The following TRIM37 variants were observed in gnomAD, a reference collection of about 807,000 sequenced individuals.
TRIM37 encodes the protein E3 ubiquitin-protein ligase TRIM37.
Under a neutral mutation model 129.8 loss-of-function variants are expected in TRIM37, and 80 were observed. That is an observed-to-expected ratio of 0.62 (90% CI 0.51 to 0.74). The LOEUF (loss-of-function observed/expected upper bound fraction) is 0.74, where lower values mean the gene tolerates loss of function less well. TRIM37 is among the 30% of genes least tolerant of loss of function. The pLI is 0.00. For synonymous variants in TRIM37, 389 were observed against 387.1 expected (o/e 1.00, Z -0.06); for missense variants, 1,054 against 1,176.5 (o/e 0.90, Z 1.52).
At chr17:59,050,169 T>C (rs537355770) in intron 14 of TRIM37, among the ~76,000 whole-genome samples, 1 of 152,198 alleles carries the variant, frequency 6.6e-6, no homozygotes, top group Non-Finnish European at 1.5e-5. Context: ...GAGTTCAAGA[T>C]GGGACAACTT....
the TRIM37 span, among the ~76,000 whole-genome samples, chr17:58,973,414 C>CAAA: frequency 1.7e-5 from 2 of 117,794 alleles, no homozygotes; most frequent in African/African-American, 3.2e-5. Flanking sequence ...GAGACTGTCT[C>CAAA]AAAAAAAAAA....
rs143150126 is a variant in TRIM37 at position 59,028,945 on chromosome 17, C to T, written c.1949-222G>A. On this transcript the variant is annotated intron_variant, in intron 18 of 23. Transcript: ENST00000262294. ...ATCTGAGTCACATCATACTCAAGTT[C>T]GAATTACACATTTAATTCTAAAAGT... 4.1e-3 allele frequency among the ~76,000 whole-genome samples: 625 copies of T among 152,240 alleles called. 3 individuals carry two copies. Among genetic ancestry groups the T allele is most frequent in the African/African-American group, 0.014 (569 of 41,534 alleles).
intron 3 of TRIM37, among the ~76,000 whole-genome samples, chr17:59,090,448 G>A (rs1023211863): frequency 6.6e-6 from 1 of 152,002 alleles, no homozygotes; most frequent in Non-Finnish European, 1.5e-5. Flanking sequence ...CAAAATACAT[G>A]CACAAAAAAC....
chr17:58,976,758 G>A, the TRIM37 span, among the ~76,000 whole-genome samples: 1 of 152,174 alleles, frequency 6.6e-6, no homozygotes, highest in African/African-American at 2.4e-5. Context: ...AACTTTGGCA[G>A]CATTTTCTCT....
At chr17:59,003,436 G>A (rs144471678) in intron 22 of TRIM37, among the ~76,000 whole-genome samples, 2,657 of 152,238 alleles carry the variant, frequency 0.017, 37 homozygotes, top group Non-Finnish European at 0.027. Flanking sequence ...CTCTCTGGAA[G>A]GAAGGTTCTA....
At position 59,042,619 on chromosome 17, in the gene TRIM37, T is replaced by C. The variant is rs543351402; in HGVS notation, c.1668-721A>G. 3.4e-3 allele frequency among the ~76,000 whole-genome samples: 515 copies of C among 150,952 alleles called. 4 individuals are homozygous for C. The highest frequency in any genetic ancestry group is 5.7e-3 in the Non-Finnish European group (388 of 67,722). On this transcript the variant is annotated intron_variant, in intron 16 of 23. Transcript: ENST00000262294. ...CTCTCCTAAAAATACAAAAATTAGC[T>C]GGGCGTTGTGGTGGGGACCTGTAAT...
chr17:59,023,122 C>G (rs905088018), intron 19 of TRIM37, among the ~76,000 whole-genome samples: 9 of 152,118 alleles, frequency 5.9e-5, no homozygotes, highest in Admixed American at 2.6e-4. Flanking sequence ...GTCACCTAGG[C>G]TGGAGTGTGG....
chr17:59,036,347 A>C lies in TRIM37; in HGVS notation c.1754-4257T>G, dbSNP rs116238604. ...GTTAAATGAAAGACAATTTATGTTAAAAAAAATTTGTGCTAAAAAGGTTTT... is the reference window on the plus strand; with the variant it reads ...GTTAAATGAAAGACAATTTATGTTACAAAAAATTTGTGCTAAAAAGGTTTT... On this transcript the variant is annotated intron_variant, in intron 17 of 23. Coordinates refer to ENST00000262294, the MANE Select transcript of TRIM37 (RefSeq NM_015294.6). Among the ~76,000 whole-genome samples the C allele has an allele frequency of 8.7e-3, 1,330 of 152,226 alleles. 20 individuals carry two copies. The highest frequency in any genetic ancestry group is 0.03 in the African/African-American group (1,240 of 41,534).
In TRIM37 at chr17:59,015,780, C is replaced by G; in HGVS notation, c.2406G>C (p.Gln802His). 6.2e-7 allele frequency: 1 copy of G among 1,613,386 alleles called. No individual in the cohort carries two copies. Among genetic ancestry groups the G allele is most frequent in the Non-Finnish European group, 8.5e-7 (1 of 1,179,966 alleles). ...GGGGAGAACTGTGCCTGCTCCCAGA[C>G]TGAGAGCTTCCTGGGGAGCCTTCAA... ...TLSEGSPGSSQSGSRHSSPRA... is the reference protein window; with the variant it reads ...TLSEGSPGSSHSGSRHSSPRA... Residue 802 changes from glutamine to histidine, a missense_variant, in exon 21 of 24, where the codon CAG (glutamine) becomes CAC (histidine). By Grantham distance (24) the Gln-to-His change is conservative (BLOSUM62 0). Transcript: ENST00000262294.
At chr17:58,996,734 A>T (rs1598780857), downstream of TRIM37, among the ~76,000 whole-genome samples, 1 of 151,018 alleles carries the variant, frequency 6.6e-6, no homozygotes, top group Non-Finnish European at 1.5e-5. Flanking sequence ...GTGCCACTGC[A>T]TTCTAGCCTG....
intron 4 of TRIM37, among the ~76,000 whole-genome samples, chr17:59,087,458 C>CTTTTTTTTTTTTTTTTTTTTTTTTT (rs56956832): frequency 2.3e-5 from 3 of 130,820 alleles, no homozygotes; most frequent in African/African-American, 2.8e-5. Context: ...AAGCCTCTTT[C>CTTTTTTTTTTTTTTTTTTTTTTTTT]TTTTTTTTTT....
intron 20 of TRIM37, among the ~76,000 whole-genome samples, chr17:59,016,839 C>A (rs981968743): frequency 6.6e-6 from 1 of 151,934 alleles, no homozygotes; most frequent in Non-Finnish European, 1.5e-5. Flanking sequence ...AATACATAGT[C>A]TAATGGCTGT....
intron 8 of TRIM37, chr17:59,073,149 A>C (rs1318451770): frequency 1.3e-5 from 2 of 152,222 alleles, no homozygotes; most frequent in Non-Finnish European, 2.9e-5. Context: ...TCCCTTCAAC[A>C]GAAGTTTATT....
intron 21 of TRIM37, among the ~76,000 whole-genome samples, chr17:59,012,889 A>T (rs181581130): frequency 0.012 from 1,851 of 150,624 alleles, 17 homozygotes; most frequent in Middle Eastern, 0.041. Context: ...AAAAAAAAAA[A>T]TTTTTTTTTC....
At chr17:59,066,021 C>T (rs1305601038) in intron 9 of TRIM37, among the ~76,000 whole-genome samples, 1 of 152,148 alleles carries the variant, frequency 6.6e-6, no homozygotes, top group Non-Finnish European at 1.5e-5. Context: ...ACTCACATTC[C>T]TCATCCCCAT....
At chr17:58,972,100 A>C in the TRIM37 span, 3 of 1,587,998 alleles carry the variant, frequency 1.9e-6, no homozygotes, top group Non-Finnish European at 2.6e-6. Context: ...ATTTCTTTTC[A>C]CTGAGTCTAG....
chr17:59,096,182 C>A (rs2044840009), intron 2 of TRIM37, among the ~76,000 whole-genome samples: 1 of 151,812 alleles, frequency 6.6e-6, no homozygotes, highest in Non-Finnish European at 1.5e-5. Flanking sequence ...AATTATCTAG[C>A]ATACAGAACT....
intron 12 of TRIM37, among the ~76,000 whole-genome samples, chr17:59,057,703 T>C (rs1228065785): frequency 6.6e-6 from 1 of 152,120 alleles, no homozygotes; most frequent in Admixed American, 6.6e-5. Flanking sequence ...TTTGTATTTT[T>C]AGTAGAGACA....
At chr17:59,017,190 T>A in intron 20 of TRIM37, 106 bp downstream of exon 20, 1 of 1,419,020 alleles carries the variant, frequency 7.0e-7, no homozygotes, top group Non-Finnish European at 9.9e-7. Context: ...AAATCCAACT[T>A]TAGCATTTTT....
Sources: gnomAD v4.1 joint callset for allele counts (sites outside exome capture counted in the v4.1 genomes callset) on GRCh38, gnomAD v4.1.1 for gene constraint, MANE v1.5 for transcripts, NCBI Gene and HGNC (gene_info 2026-07-23, HGNC 2026-07-21) for gene names.